The following AFF3 variants were observed in gnomAD, a reference collection of about 807,000 sequenced individuals.
AFF3 encodes the protein AF4/FMR2 family member 3.
A neutral mutation model predicts 129.7 loss-of-function variants in AFF3; 32 were observed. That is an observed-to-expected ratio of 0.25 (90% CI 0.19 to 0.33). The LOEUF (loss-of-function observed/expected upper bound fraction) is 0.33. AFF3 is among the 10% of genes least tolerant of loss of function. The pLI is 1.00. For missense variants in AFF3, 1,373 were observed against 1,592.0 expected (o/e 0.86, Z 2.34); for synonymous variants, 644 against 635.4 (o/e 1.01, Z -0.20).
chr2:100,093,500 C>T (rs1313017182), intron 4 of AFF3, among the ~76,000 whole-genome samples: 7 of 152,168 alleles, frequency 4.6e-5, no homozygotes, highest in African/African-American at 7.2e-5. Flanking sequence ...TAGAAACCAA[C>T]ATACCCTACT....
At chr2:100,010,520 T>C (rs1682432780) in intron 4 of AFF3, among the ~76,000 whole-genome samples, 1 of 152,166 alleles carries the variant, frequency 6.6e-6, no homozygotes, top group Non-Finnish European at 1.5e-5. Context: ...ACATGGAGCC[T>C]ATTAGCATTT....
chr2:99,956,075 C>T (rs1307643013), intron 7 of AFF3, among the ~76,000 whole-genome samples: 4 of 150,440 alleles, frequency 2.7e-5, no homozygotes, highest in Admixed American at 2.0e-4. Flanking sequence ...GTGTGGAGAA[C>T]AGCCTTCAAA....
chr2:99,751,276 A>G (rs1681630934), intron 9 of AFF3, among the ~76,000 whole-genome samples: 1 of 152,146 alleles, frequency 6.6e-6, no homozygotes, highest in African/African-American at 2.4e-5. Flanking sequence ...TATTTTTAGT[A>G]GAGATTGGGT....
Position 99,549,141 on chromosome 2 carries a change from C to T in AFF3, c.*2333G>A. 4.5e-6 allele frequency: 1 copy of T among 223,248 alleles called. No homozygotes were observed. The highest frequency in any genetic ancestry group is 1.4e-3 in the Middle Eastern group (1 of 728). 13.8% of individuals were successfully genotyped at this position (223,248 alleles called of 1,614,324 possible). On this transcript the variant is annotated 3_prime_UTR_variant, in exon 25 of 25. Transcript: ENST00000672756. Reference sequence around the variant, plus strand: ...CTCTCCAGGTATGCAGGATAGACCTCCAGGGCCATCCCTTTATGTGTTTGA... The same window carrying T: ...CTCTCCAGGTATGCAGGATAGACCTTCAGGGCCATCCCTTTATGTGTTTGA...
At chr2:100,110,419 C>T (rs1286332601) in intron 2 of AFF3, 4 of 152,288 alleles carry the variant, frequency 2.6e-5, no homozygotes, top group African/African-American at 9.7e-5. Flanking sequence ...GGGAAGAAGT[C>T]ACAACACAAC....
intron 7 of AFF3, among the ~76,000 whole-genome samples, chr2:99,914,227 G>A (rs1481857457): frequency 6.6e-6 from 1 of 152,172 alleles, no homozygotes; most frequent in East Asian, 1.9e-4. Flanking sequence ...AGAAGGACCA[G>A]CATCTCTCCT....
At chr2:100,055,474 A>AG (rs1553514575) in intron 4 of AFF3, among the ~76,000 whole-genome samples, 4 of 151,430 alleles carry the variant, frequency 2.6e-5, no homozygotes, top group Non-Finnish European at 4.4e-5. Flanking sequence ...AAAAAAAAAA[A>AG]AAAAGAAAAG....
chr2:99,570,927 A>G (rs1455128611), intron 18 of AFF3, among the ~76,000 whole-genome samples: 4 of 152,136 alleles, frequency 2.6e-5, no homozygotes, highest in African/African-American at 4.8e-5. Flanking sequence ...GTTCCGAGTA[A>G]CCTTGGTCCA....
intron 7 of AFF3, among the ~76,000 whole-genome samples, chr2:99,997,534 C>G (rs1680966717): frequency 6.6e-6 from 1 of 151,976 alleles, no homozygotes; most frequent in South Asian, 2.1e-4. Context: ...TCCCCTGACC[C>G]ATTACAGCTC....
intron 4 of AFF3, among the ~76,000 whole-genome samples, chr2:100,099,310 A>G (rs533590288): frequency 2.6e-5 from 4 of 152,140 alleles, no homozygotes; most frequent in Non-Finnish European, 5.9e-5. Context: ...TGGCACTATG[A>G]AGTAAAGTCT....
intron 20 of AFF3, among the ~76,000 whole-genome samples, chr2:99,563,678 T>C (rs1040168254): frequency 2.0e-5 from 3 of 150,730 alleles, no homozygotes; most frequent in Non-Finnish European, 4.4e-5. Flanking sequence ...GATGTGGTGG[T>C]GCATGCCTGT....
intron 7 of AFF3, among the ~76,000 whole-genome samples, chr2:99,926,237 C>T (rs1272075247): frequency 1.3e-5 from 2 of 152,212 alleles, no homozygotes; most frequent in African/African-American, 4.8e-5. Context: ...ACTGCAAGTG[C>T]AAAGTGCACA....
At chr2:99,838,947 C>A (rs17023181) in intron 7 of AFF3, among the ~76,000 whole-genome samples, 84 of 152,214 alleles carry the variant, frequency 5.5e-4, no homozygotes, top group African/African-American at 2.0e-3. Context: ...TTGAGTTAGG[C>A]GCCAGGCTGA....
At chr2:99,551,702 G>T (rs1359707846) in intron 24 of AFF3, 107 bp from the exon 25 acceptor site, 12 of 1,386,572 alleles carry the variant, frequency 8.7e-6, no homozygotes, top group Non-Finnish European at 1.2e-5. Context: ...ATAAATCAAG[G>T]ATTCTCCGTT....
At chr2:99,644,950 G>A (rs1209617338) in intron 13 of AFF3, among the ~76,000 whole-genome samples, 1 of 152,144 alleles carries the variant, frequency 6.6e-6, no homozygotes, top group African/African-American at 2.4e-5. Context: ...GAAAAAACAC[G>A]AGAGGCACAC....
At chr2:100,102,423 C>T (rs1215581114) in intron 4 of AFF3, among the ~76,000 whole-genome samples, 2 of 152,154 alleles carry the variant, frequency 1.3e-5, no homozygotes, top group Admixed American at 6.5e-5. Context: ...AGCCAAAACT[C>T]GATGCACTGA....
chr2:99,582,520 G>T (rs1287698167), intron 17 of AFF3, among the ~76,000 whole-genome samples: 1 of 152,214 alleles, frequency 6.6e-6, no homozygotes, highest in Non-Finnish European at 1.5e-5. Context: ...TTTGTCCCGG[G>T]ATGGTATTAC....
At chr2:99,757,983 C>G (rs2105246776) in intron 8 of AFF3, among the ~76,000 whole-genome samples, 1 of 152,232 alleles carries the variant, frequency 6.6e-6, no homozygotes, top group African/African-American at 2.4e-5. Context: ...TGTGATGAAC[C>G]CCTCAAGGCT....
chr2:100,080,424 G>A (rs1449426723), intron 4 of AFF3, among the ~76,000 whole-genome samples: 1 of 151,718 alleles, frequency 6.6e-6, no homozygotes, highest in Non-Finnish European at 1.5e-5. Context: ...TGGGGCCTTA[G>A]CTGAAACTAA....
Sources: allele counts gnomAD v4.1 joint callset (sites outside exome capture counted in the v4.1 genomes callset), GRCh38; gene constraint gnomAD v4.1.1; transcripts MANE v1.5; gene names NCBI Gene and HGNC (gene_info 2026-07-23, HGNC 2026-07-21).